The following C8orf34 variants were observed in gnomAD, a reference collection of about 807,000 sequenced individuals.
The protein encoded by C8orf34 is uncharacterized protein C8orf34.
Under a neutral mutation model 68.3 loss-of-function variants are expected in C8orf34, and 65 were observed. That is an observed-to-expected ratio of 0.95 (90% CI 0.78 to 1.17). C8orf34 has a LOEUF of 1.17. C8orf34 is among the 50% of genes most tolerant of loss of function. C8orf34 has a pLI of 0.00. For missense variants in C8orf34, 664 were observed against 655.4 expected (o/e 1.01, Z -0.14); for synonymous variants, 244 against 241.2 (o/e 1.01, Z -0.11).
Position 68,774,574 on chromosome 8 carries a change from GT to G in C8orf34, c.1405-1821del, listed in dbSNP as rs530420803. ...AACATTTAAACTACGGCATATTAAT[GT>G]TTTGCCAGTGGAAATATGATTTAGG... On this transcript the variant is annotated intron_variant, in intron 10 of 13. Transcript: ENST00000518698. 1.7e-4 allele frequency among the ~76,000 whole-genome samples: 26 copies of G among 151,912 alleles called. No homozygotes were observed. In the East Asian group the frequency reaches 5.1e-3, roughly 30 times the overall value.
chr8:68,641,944 T>C (rs564659413), intron 8 of C8orf34, among the ~76,000 whole-genome samples: 15 of 152,340 alleles, frequency 9.8e-5, no homozygotes, highest in Non-Finnish European at 1.8e-4. Context: ...ATAAACCACA[T>C]ACTAGTCTAA....
chr8:68,643,796 C>G (rs944086268), intron 8 of C8orf34, among the ~76,000 whole-genome samples: 2 of 152,114 alleles, frequency 1.3e-5, no homozygotes, highest in Non-Finnish European at 2.9e-5. Flanking sequence ...TCAGACCATA[C>G]CAATTAGTTA....
intron 5 of C8orf34, among the ~76,000 whole-genome samples, chr8:68,493,955 A>G (rs886468850): frequency 6.6e-6 from 1 of 152,222 alleles, no homozygotes. Context: ...AGTTCAAGTT[A>G]TTTTGTTATA....
intron 10 of C8orf34, among the ~76,000 whole-genome samples, chr8:68,771,213 A>G (rs1823325335): frequency 6.6e-6 from 1 of 152,192 alleles, no homozygotes; most frequent in African/African-American, 2.4e-5. Flanking sequence ...GAGTTTCTAA[A>G]CCACTGTACC....
intron 4 of C8orf34, among the ~76,000 whole-genome samples, chr8:68,475,723 G>A (rs544037979): frequency 1.3e-5 from 2 of 152,314 alleles, no homozygotes; most frequent in South Asian, 2.1e-4. Context: ...TCATGCAATT[G>A]GCCAACAAAA....
intron 1 of C8orf34, among the ~76,000 whole-genome samples, chr8:68,425,356 A>G (rs1810163902): frequency 6.6e-6 from 1 of 152,196 alleles, no homozygotes; most frequent in African/African-American, 2.4e-5. Context: ...TCTATTTGCA[A>G]ATGACATGAT....
intron 8 of C8orf34, among the ~76,000 whole-genome samples, chr8:68,690,279 C>T (rs148118321): frequency 5.4e-4 from 82 of 152,020 alleles, no homozygotes; most frequent in African/African-American, 1.4e-3. Context: ...CAACATTTCA[C>T]CTCTACCTTC....
At chr8:68,543,962 T>C (rs1815785339) in intron 7 of C8orf34, among the ~76,000 whole-genome samples, 1 of 152,132 alleles carries the variant, frequency 6.6e-6, no homozygotes, top group African/African-American at 2.4e-5. Flanking sequence ...CACCCCGGCT[T>C]TCCTCATGGT....
At chr8:68,789,323 T>C (rs1375856136) in intron 12 of C8orf34, among the ~76,000 whole-genome samples, 1 of 152,242 alleles carries the variant, frequency 6.6e-6, no homozygotes, top group African/African-American at 2.4e-5. Context: ...GCAGAGCATG[T>C]TAATTATATG....
At chr8:68,427,799 C>G (rs2129624437) in intron 1 of C8orf34, among the ~76,000 whole-genome samples, 1 of 151,982 alleles carries the variant, frequency 6.6e-6, no homozygotes, top group Middle Eastern at 3.4e-3. Context: ...AAGAAGCTGG[C>G]TGAAATGTAT....
intron 8 of C8orf34, among the ~76,000 whole-genome samples, chr8:68,668,005 A>G (rs1819891475): frequency 1.3e-5 from 2 of 152,214 alleles, no homozygotes; most frequent in Non-Finnish European, 2.9e-5. Context: ...CAAAGCAGAA[A>G]ATCTTGGAAG....
chr8:68,371,335 AT>A (rs2129619778), intron 1 of C8orf34, among the ~76,000 whole-genome samples: 1 of 152,314 alleles, frequency 6.6e-6, no homozygotes, highest in Non-Finnish European at 1.5e-5. Context: ...ACAATTTTTA[AT>A]AATTCCATAG....
Position 68,745,376 on chromosome 8 carries a change from A to G in C8orf34, c.1404+23939A>G, listed in dbSNP as rs556290568. ...ATCATAATGACAGGATCAAATTCAC[A>G]TATAATAATATTACCTTTAAATGTA... On this transcript the variant is annotated intron_variant, in intron 10 of 13. Transcript: ENST00000518698. Among the ~76,000 whole-genome samples the G allele has an allele frequency of 2.0e-5, 3 of 152,272 alleles. No individual in the cohort carries two copies. In the East Asian group the frequency reaches 5.8e-4, roughly 29 times the overall value.
chr8:68,716,195 C>G (rs1008711728), intron 9 of C8orf34, among the ~76,000 whole-genome samples: 12 of 152,010 alleles, frequency 7.9e-5, no homozygotes, highest in African/African-American at 2.7e-4. Context: ...GGATAAAAGA[C>G]TACACATTAG....
rs532863984 is a variant in C8orf34 at position 68,742,656 on chromosome 8, G to A, written c.1404+21219G>A. On this transcript the variant is annotated intron_variant, in intron 10 of 13. Coordinates refer to ENST00000518698, the MANE Select transcript of C8orf34 (RefSeq NM_052958.4). ...AAGCATTTTTCAATGGCAAACAAAT[G>A]TACAAATGATTTCATTTTCCACCTT... 1.1e-4 allele frequency among the ~76,000 whole-genome samples: 16 copies of A among 152,286 alleles called. No individual in the cohort carries two copies. In the South Asian group the frequency reaches 3.3e-3, roughly 32 times the overall value.
Position 68,538,859 on chromosome 8 carries a change from A to G in C8orf34, c.1105+5710A>G, listed in dbSNP as rs191054839. 1.1e-3 allele frequency among the ~76,000 whole-genome samples: 169 copies of G among 152,318 alleles called. 2 individuals are homozygous for G. The highest frequency in any genetic ancestry group is 1.8e-3 in the Admixed American group (28 of 15,298). On this transcript the variant is annotated intron_variant, in intron 7 of 13. Transcript: ENST00000518698. ...CTTTCATTTTCCTCTGTGTAAATGT[A>G]TAATTCCTAGGAGGAAAAGAAAAAT...
At chr8:68,376,184 C>A (rs1048877250) in intron 1 of C8orf34, among the ~76,000 whole-genome samples, 2 of 145,740 alleles carry the variant, frequency 1.4e-5, no homozygotes, top group South Asian at 2.2e-4. Context: ...AAAAGGCAGA[C>A]ATAAAATAAA....
chr8:68,695,208 G>A lies in C8orf34; in HGVS notation c.1242-13786G>A, dbSNP rs549438109. Among the ~76,000 whole-genome samples, 44 of 150,552 alleles carry A rather than the reference G, an allele frequency of 2.9e-4. No individual in the cohort carries two copies. In the South Asian group the frequency reaches 3.4e-3, roughly 11 times the overall value. ...GTTGCCCAAGCTGGAGTGCAATGGC[G>A]TGATCTCAACTCACTGCAACCTCTG... On this transcript the variant is annotated intron_variant, in intron 8 of 13. Coordinates refer to ENST00000518698, the MANE Select transcript of C8orf34 (RefSeq NM_052958.4).
At chr8:68,794,507 T>A (rs10957450) in intron 12 of C8orf34, among the ~76,000 whole-genome samples, 2,727 of 68,310 alleles carry the variant, frequency 0.04, 44 homozygotes, top group South Asian at 0.08. Flanking sequence ...ATATATATAT[T>A]TTTTTTTTTT....
Sources: gnomAD v4.1 joint callset for allele counts (sites outside exome capture counted in the v4.1 genomes callset) on GRCh38, gnomAD v4.1.1 for gene constraint, MANE v1.5 for transcripts, NCBI Gene and HGNC (gene_info 2026-07-23, HGNC 2026-07-21) for gene names.